Variants in PTCHD4 observed in about 807,000 individuals in gnomAD.
The protein encoded by PTCHD4 is patched domain-containing protein 4.
A neutral mutation model predicts 58.1 loss-of-function variants in PTCHD4; 33 were observed. The ratio of observed to expected loss-of-function variants is 0.57; its 90% CI spans 0.43 to 0.76. The LOEUF is 0.76. Ranked by LOEUF, PTCHD4 falls within the 30% of genes least tolerant of loss-of-function variation. The probability of loss-of-function intolerance (pLI) is 0.00; values close to 1 mark genes in which losing one functional copy is unlikely to be tolerated. For missense variants in PTCHD4, 1,058 were observed against 1,027.1 expected, an observed-to-expected ratio of 1.03 and a Z score of -0.41; for synonymous variants, 478 against 409.6, an observed-to-expected ratio of 1.17 and a Z score of -2.02.
rs1456124403 is a variant in PTCHD4 at position 47,866,839 on chromosome 6, T to C, written c.*11464A>G. 6.6e-6 allele frequency among the ~76,000 whole-genome samples: 1 copy of C among 151,852 alleles called. No individual in the cohort carries two copies. The highest frequency in any genetic ancestry group is 1.5e-5 in the Non-Finnish European group (1 of 67,890). ...CTTCAAAGAAAGCATCAGTGAATCA[T>C]AAGGAAGTGAATTTAAAAAATAGTT... On this transcript the variant is annotated 3_prime_UTR_variant, in exon 5 of 5. Transcript: ENST00000339488.
intron 4 of PTCHD4, among the ~76,000 whole-genome samples, chr6:47,982,954 G>A (rs146191820): frequency 1.2e-4 from 19 of 152,202 alleles, no homozygotes; most frequent in African/African-American, 4.1e-4. Context: ...GATAAATAAC[G>A]TTGAAATTTT....
rs149125556 is a variant in PTCHD4 at position 47,937,761 on chromosome 6, G to T, written c.899-57825C>A. Among the ~76,000 whole-genome samples, 145 of 152,302 alleles carry T rather than the reference G, an allele frequency of 9.5e-4. 1 individual carries two copies. The highest frequency in any genetic ancestry group is 3.4e-3 in the African/African-American group (140 of 41,560). On this transcript the variant is annotated intron_variant, in intron 4 of 4. Coordinates refer to ENST00000339488, the MANE Select transcript of PTCHD4 (RefSeq NM_001384253.1). Reference sequence around the variant, plus strand: ...GAACTGAGTCTAAGGCACTTCAACTGAAAGAGGGTTGGAAGAAGAGAGGGG... The same window carrying T: ...GAACTGAGTCTAAGGCACTTCAACTTAAAGAGGGTTGGAAGAAGAGAGGGG...
chr6:47,894,058 G>A (rs143633452), intron 4 of PTCHD4, among the ~76,000 whole-genome samples: 30 of 152,286 alleles, frequency 2.0e-4, no homozygotes, highest in East Asian at 1.7e-3. Flanking sequence ...AGGAGAACAC[G>A]GTTGAGTTGC....
chr6:48,058,806 G>T (rs990429860), intron 3 of PTCHD4, among the ~76,000 whole-genome samples: 2 of 152,158 alleles, frequency 1.3e-5, no homozygotes, highest in African/African-American at 4.8e-5. Context: ...AGCAAAGAGA[G>T]GTCACATTCC....
At position 47,868,939 on chromosome 6, in the gene PTCHD4, G is replaced by C. The variant is rs905579375; in HGVS notation, c.*9364C>G. Among the ~76,000 whole-genome samples, 1 of 151,642 alleles carries C rather than the reference G, an allele frequency of 6.6e-6. No homozygotes were observed. The highest frequency in any genetic ancestry group is 2.4e-5 in the African/African-American group (1 of 41,348). On this transcript the variant is annotated 3_prime_UTR_variant, in exon 5 of 5. Coordinates refer to ENST00000339488, the MANE Select transcript of PTCHD4 (RefSeq NM_001384253.1). ...CCAGGAAAGACATAAAGGCATCCTT[G>C]TTTTTAAGAAAACATACGGCAAACT...
At chr6:47,888,764 G>A (rs569118927) in intron 4 of PTCHD4, among the ~76,000 whole-genome samples, 2 of 144,060 alleles carry the variant, frequency 1.4e-5, no homozygotes, top group African/African-American at 2.6e-5. Context: ...CCACTAACTC[G>A]TCATCTAGCA....
intron 4 of PTCHD4, among the ~76,000 whole-genome samples, chr6:47,959,665 A>G (rs1767005216): frequency 6.6e-6 from 1 of 152,252 alleles, no homozygotes; most frequent in South Asian, 2.1e-4. Context: ...CAGCCAAGGC[A>G]ATAGGACATA....
At position 47,863,172 on chromosome 6, in the gene PTCHD4, C is replaced by A. The variant is rs375804168; in HGVS notation, c.*15131G>T. ...ACTTATGTGGTCCCACATGCAGGGGCAGATCAAAATTTTGTTGAGCCTGAA... is the reference window on the plus strand; with the variant it reads ...ACTTATGTGGTCCCACATGCAGGGGAAGATCAAAATTTTGTTGAGCCTGAA... On this transcript the variant is annotated 3_prime_UTR_variant, in exon 5 of 5. Coordinates refer to ENST00000339488, the MANE Select transcript of PTCHD4 (RefSeq NM_001384253.1). Among the ~76,000 whole-genome samples the A allele has an allele frequency of 9.7e-4, 147 of 151,898 alleles. 2 individuals carry two copies. Among genetic ancestry groups the A allele is most frequent in the Middle Eastern group, 6.8e-3 (2 of 294 alleles).
intron 4 of PTCHD4, among the ~76,000 whole-genome samples, chr6:47,942,828 T>G (rs536444084): frequency 9.6e-4 from 146 of 152,298 alleles, no homozygotes; most frequent in Non-Finnish European, 1.6e-3. Flanking sequence ...TTCTCTCAGG[T>G]GCAAAACGAT....
intron 4 of PTCHD4, among the ~76,000 whole-genome samples, chr6:47,934,409 A>G (rs956934342): frequency 2.0e-5 from 3 of 152,206 alleles, no homozygotes; most frequent in Admixed American, 2.0e-4. Context: ...AAAGTCCTGC[A>G]GCACAATTAT....
At chr6:48,022,263 C>A (rs1362880768) in intron 3 of PTCHD4, among the ~76,000 whole-genome samples, 2 of 151,320 alleles carry the variant, frequency 1.3e-5, no homozygotes, top group African/African-American at 4.9e-5. Flanking sequence ...CATCTCTCTC[C>A]TTCCTTTATT....
intron 1 of PTCHD4, among the ~76,000 whole-genome samples, chr6:48,082,111 T>C (rs1765179456): frequency 6.6e-6 from 1 of 152,184 alleles, no homozygotes. Context: ...TGCCTATTCA[T>C]GAATCCAGGG....
intron 4 of PTCHD4, among the ~76,000 whole-genome samples, chr6:47,966,408 C>G (rs1767298291): frequency 6.6e-6 from 1 of 152,186 alleles, no homozygotes; most frequent in Non-Finnish European, 1.5e-5. Flanking sequence ...TTTATAATCT[C>G]TTTGCTGGTG....
chr6:48,054,391 C>T (rs1240363114), intron 3 of PTCHD4, among the ~76,000 whole-genome samples: 3 of 152,106 alleles, frequency 2.0e-5, no homozygotes, highest in African/African-American at 7.2e-5. Flanking sequence ...TCCCCTGGAA[C>T]TTGTTGACCT....
chr6:48,043,672 T>C (rs903371635), intron 3 of PTCHD4, among the ~76,000 whole-genome samples: 2 of 151,936 alleles, frequency 1.3e-5, no homozygotes, highest in Non-Finnish European at 2.9e-5. Flanking sequence ...GTTCTGACTA[T>C]GTACAATGTC....
Position 47,879,334 on chromosome 6 carries a change from A to G in PTCHD4, c.1501T>C (p.Tyr501His), listed in dbSNP as rs1438630327. 30 of 1,613,158 alleles carry G rather than the reference A, an allele frequency of 1.9e-5. No homozygotes were observed. Among genetic ancestry groups the G allele is most frequent in the Non-Finnish European group, 2.5e-5 (30 of 1,179,618 alleles). Residue 501 changes from tyrosine to histidine, a missense_variant, in exon 5 of 5, where the codon TAT becomes CAT. Tyr to His is a moderately conservative substitution (Grantham distance 83, BLOSUM62 2). Transcript: ENST00000339488. ...LLASDSPSVSYAMVQQKYFSN... is the reference protein window; with the variant it reads ...LLASDSPSVSHAMVQQKYFSN... ...AAATATTTCTGCTGAACCATGGCAT[A>G]GGAAACACTTGGCGAATCACTGGCT...
intron 4 of PTCHD4, among the ~76,000 whole-genome samples, chr6:47,987,067 G>T (rs1478670462): frequency 6.6e-6 from 1 of 151,934 alleles, no homozygotes; most frequent in South Asian, 2.1e-4. Context: ...GTTTGAAAAA[G>T]TTTGCATTTG....
chr6:47,879,882 T>A lies in PTCHD4; in HGVS notation c.953A>T (p.Glu318Val). 2 of 1,590,386 alleles carry A rather than the reference T, an allele frequency of 1.3e-6. No homozygotes were observed. Among genetic ancestry groups the A allele is most frequent in the Non-Finnish European group, 1.7e-6 (2 of 1,167,632 alleles). ...ELLSGWRRTKENLPFKDRIAD... is the reference protein window; with the variant it reads ...ELLSGWRRTKVNLPFKDRIAD... ...TATCCTGTCTTTGAAGGGCAAGTTCTCTTTGGTTCTCCGCCATCCGGACAG... is the reference window on the plus strand; with the variant it reads ...TATCCTGTCTTTGAAGGGCAAGTTCACTTTGGTTCTCCGCCATCCGGACAG... The change falls in exon 5 of 5, where the codon GAG (glutamate) becomes GTG (valine). Residue 318 changes from glutamate to valine, a missense_variant. Physicochemically the swap from Glu to Val is moderately radical, Grantham distance 121. Coordinates refer to ENST00000339488, the MANE Select transcript of PTCHD4 (RefSeq NM_001384253.1).
intron 4 of PTCHD4, among the ~76,000 whole-genome samples, chr6:47,895,921 T>G (rs1027730809): frequency 3.3e-5 from 5 of 152,178 alleles, no homozygotes; most frequent in African/African-American, 1.2e-4. Context: ...GAGTATCATA[T>G]AGCAATGAAA....
Sources: allele counts gnomAD v4.1 joint callset (sites outside exome capture counted in the v4.1 genomes callset), GRCh38; gene constraint gnomAD v4.1.1; transcripts MANE v1.5; gene names NCBI Gene and HGNC (gene_info 2026-07-23, HGNC 2026-07-21).